TMCC1: variants seen among roughly 807,000 people sequenced by gnomAD.
The protein encoded by TMCC1 is transmembrane and coiled-coil domains protein 1.
A neutral mutation model predicts 52.4 loss-of-function variants in TMCC1; 15 were observed. The ratio of observed to expected loss-of-function variants is 0.29; its 90% CI spans 0.19 to 0.44. The LOEUF is 0.44. Ranked by LOEUF, TMCC1 falls within the 20% of genes least tolerant of loss-of-function variation. The pLI is 1.00. For synonymous variants in TMCC1, 279 were observed against 301.9 expected (o/e 0.92, Z 0.79); for missense variants, 503 against 806.0 (o/e 0.62, Z 4.55).
chr3:129,892,959 T>C (rs1039621488), intron 1 of TMCC1, among the ~76,000 whole-genome samples: 7 of 152,066 alleles, frequency 4.6e-5, no homozygotes, highest in Admixed American at 2.0e-4. Context: ...TCCCACTACA[T>C]ATTCTCCCCA....
At chr3:129,743,412 A>G (rs982336210) in intron 4 of TMCC1, among the ~76,000 whole-genome samples, 2 of 152,258 alleles carry the variant, frequency 1.3e-5, no homozygotes, top group African/African-American at 4.8e-5. Context: ...TCCATAAAAG[A>G]CTACTTTTGT....
intron 2 of TMCC1, among the ~76,000 whole-genome samples, chr3:129,871,773 T>C (rs2060942244): frequency 6.6e-6 from 1 of 151,984 alleles, no homozygotes. Context: ...AGAAAAAATG[T>C]GTAATCAATG....
chr3:129,774,074 G>T (rs746151907), intron 4 of TMCC1, among the ~76,000 whole-genome samples: 1 of 152,176 alleles, frequency 6.6e-6, no homozygotes, highest in Non-Finnish European at 1.5e-5. Context: ...GCTTTAAATG[G>T]TCTCTAAATA....
intron 4 of TMCC1, among the ~76,000 whole-genome samples, chr3:129,692,260 T>C (rs2047079203): frequency 6.6e-6 from 1 of 152,228 alleles, no homozygotes; most frequent in South Asian, 2.1e-4. Flanking sequence ...AAAGTTTGTG[T>C]TAATCTAAAT....
chr3:129,688,089 T>C (rs1230081696), intron 4 of TMCC1: 3 of 954,638 alleles, frequency 3.1e-6, no homozygotes, highest in Non-Finnish European at 3.7e-6. Flanking sequence ...TTTTGCAAAA[T>C]GTTTTAGTTA....
intron 4 of TMCC1, among the ~76,000 whole-genome samples, chr3:129,753,463 C>T (rs2052711271): frequency 6.6e-6 from 1 of 152,158 alleles, no homozygotes; most frequent in Non-Finnish European, 1.5e-5. Context: ...ATTAGCAAAT[C>T]AAATTTAGCA....
At chr3:129,739,309 A>T (rs970512495) in intron 4 of TMCC1, among the ~76,000 whole-genome samples, 6 of 152,116 alleles carry the variant, frequency 3.9e-5, no homozygotes, top group Non-Finnish European at 8.8e-5. Flanking sequence ...CTGGGATTAC[A>T]GGCATGCACC....
At chr3:129,722,604 C>G (rs1045399385) in intron 4 of TMCC1, among the ~76,000 whole-genome samples, 5 of 151,830 alleles carry the variant, frequency 3.3e-5, no homozygotes, top group Non-Finnish European at 7.4e-5. Flanking sequence ...TGTTTTATGC[C>G]CTCCCCCACC....
Position 129,708,445 on chromosome 3 carries a change from AT to A in TMCC1, c.577-37182del, listed in dbSNP as rs1379540026. Among the ~76,000 whole-genome samples, 6 of 152,304 alleles carry A rather than the reference AT, an allele frequency of 3.9e-5. No individual in the cohort carries two copies. In the South Asian group the frequency reaches 1.0e-3, roughly 26 times the overall value. On this transcript the variant is annotated intron_variant, in intron 4 of 6. Transcript: ENST00000393238. ...GTGAACCTAGTTGCATGTAGTTTGC[AT>A]CCTGTTTGCTTTTTCTTTAACTGAA... is the stretch of plus-strand genomic sequence containing the variant.
chr3:129,809,954 C>T (rs1461132490), intron 4 of TMCC1, among the ~76,000 whole-genome samples: 3 of 152,128 alleles, frequency 2.0e-5, no homozygotes, highest in Non-Finnish European at 4.4e-5. Context: ...AGCTACAAAT[C>T]CTCATAACAA....
At chr3:129,714,668 C>T (rs1409733279) in intron 4 of TMCC1, among the ~76,000 whole-genome samples, 1 of 152,030 alleles carries the variant, frequency 6.6e-6, no homozygotes, top group Non-Finnish European at 1.5e-5. Flanking sequence ...AAAAAGATAC[C>T]TAGATTTTTC....
intron 4 of TMCC1, among the ~76,000 whole-genome samples, chr3:129,764,783 ATATATATTTTTTTTTTTTTTT>A (rs1209883305): frequency 1.3e-5 from 1 of 75,580 alleles, no homozygotes; most frequent in African/African-American, 6.7e-5. Context: ...ATATATATAT[ATATATATTTTTTTTTTTTTTT>A]TTTTTTTTTT....
chr3:129,839,686 ACCAG>A (rs2059335250), intron 2 of TMCC1, among the ~76,000 whole-genome samples: 1 of 152,032 alleles, frequency 6.6e-6, no homozygotes, highest in East Asian at 1.9e-4. Flanking sequence ...AGAGTTTGAG[ACCAG>A]CCTGGGCAAC....
At chr3:129,670,280 G>A (rs1170498552) in intron 5 of TMCC1, 50 bp downstream of exon 5, 1 of 1,552,960 alleles carries the variant, frequency 6.4e-7, no homozygotes, top group Non-Finnish European at 8.7e-7. Flanking sequence ...TATCTAAAGG[G>A]AGGGGAACCC....
chr3:129,738,062 G>T (rs928363787), intron 4 of TMCC1, among the ~76,000 whole-genome samples: 1 of 152,028 alleles, frequency 6.6e-6, no homozygotes, highest in Non-Finnish European at 1.5e-5. Flanking sequence ...CCTGAGATCA[G>T]GAGTTCAAGA....
At chr3:129,843,670 A>G (rs1423568808) in intron 2 of TMCC1, among the ~76,000 whole-genome samples, 2 of 152,056 alleles carry the variant, frequency 1.3e-5, no homozygotes, top group Non-Finnish European at 2.9e-5. Flanking sequence ...ATGAACTACA[A>G]AAAATATAGA....
At chr3:129,775,956 T>G (rs2055005292) in intron 4 of TMCC1, among the ~76,000 whole-genome samples, 1 of 152,206 alleles carries the variant, frequency 6.6e-6, no homozygotes, top group South Asian at 2.1e-4. Context: ...AATCCCTGGA[T>G]GACACATACC....
At chr3:129,875,848 A>C (rs2107978430) in intron 2 of TMCC1, among the ~76,000 whole-genome samples, 1 of 152,282 alleles carries the variant, frequency 6.6e-6, no homozygotes, top group East Asian at 1.9e-4. Context: ...AGAATAATAA[A>C]ATAGGGCCGG....
At chr3:129,843,368 T>C (rs568589083) in intron 2 of TMCC1, among the ~76,000 whole-genome samples, 2 of 150,088 alleles carry the variant, frequency 1.3e-5, no homozygotes, top group Non-Finnish European at 3.0e-5. Flanking sequence ...AAGGAAAAAA[T>C]AATAAAAATT....
Sources: gnomAD v4.1 joint callset for allele counts (sites outside exome capture counted in the v4.1 genomes callset) on GRCh38, gnomAD v4.1.1 for gene constraint, MANE v1.5 for transcripts, NCBI Gene and HGNC (gene_info 2026-07-23, HGNC 2026-07-21) for gene names.